The following RELN variants were observed in gnomAD, a reference collection of about 807,000 sequenced individuals.
RELN encodes the protein reelin.
Under a neutral mutation model 427.6 loss-of-function variants are expected in RELN, and 108 were observed. The observed-to-expected ratio is 0.25, with a 90% confidence interval of 0.22 to 0.30. RELN has a LOEUF of 0.30. Ranked by LOEUF, RELN falls within the 10% of genes least tolerant of loss-of-function variation. RELN has a pLI of 1.00. For missense variants in RELN, 3,715 were observed against 4,302.8 expected (o/e 0.86, Z 3.82); for synonymous variants, 1,524 against 1,513.4 (o/e 1.01, Z -0.16).
At chr7:103,949,936 T>G (rs1273723637) in intron 1 of RELN, among the ~76,000 whole-genome samples, 1 of 152,360 alleles carries the variant, frequency 6.6e-6, no homozygotes, top group East Asian at 1.9e-4. Flanking sequence ...ATCAAGCTTA[T>G]AGCACATAAG....
At chr7:103,780,902 C>T (rs987481808) in intron 3 of RELN, among the ~76,000 whole-genome samples, 1 of 152,196 alleles carries the variant, frequency 6.6e-6, no homozygotes, top group Middle Eastern at 3.2e-3. Context: ...CTGTATGCTA[C>T]TGCCATAAAA....
Position 103,989,153 on chromosome 7 carries a change from G to A in RELN, c.204C>T (p.Tyr68=). The part of the protein sequence containing the change: ...SLHIAGNPTY[Y]VPGQEYHVTI... The stretch of plus-strand genomic sequence containing the variant: ...TACCATGGTATTCTTGTCCCGGAAC[G>A]TAGTAGGTGGGGTTGCCCGCAATAT... Residue 68 remains tyrosine, a synonymous_variant, in exon 1 of 65, where the codon TAC becomes TAT. Transcript: ENST00000428762. The surrounding 1 kb of genome is among the most constrained non-coding windows in gnomAD (Gnocchi z 4.9). 1.2e-6 allele frequency: 2 copies of A among 1,614,020 alleles called. No individual in the cohort carries two copies. The highest frequency in any genetic ancestry group is 1.7e-6 in the Non-Finnish European group (2 of 1,179,964).
At chr7:103,570,409 C>T (rs532291605) in intron 31 of RELN, among the ~76,000 whole-genome samples, 1 of 152,138 alleles carries the variant, frequency 6.6e-6, no homozygotes, top group African/African-American at 2.4e-5. Context: ...TTGGTGAGTC[C>T]CCATCCAGAC....
intron 6 of RELN, among the ~76,000 whole-genome samples, chr7:103,730,386 A>C (rs1260613495): frequency 1.3e-5 from 2 of 152,062 alleles, no homozygotes; most frequent in African/African-American, 4.8e-5. Context: ...AACTGTATAA[A>C]AGTGATGGCC....
At chr7:103,473,550 C>A (rs1432137388) in intron 64 of RELN, among the ~76,000 whole-genome samples, 1 of 152,096 alleles carries the variant, frequency 6.6e-6, no homozygotes, top group African/African-American at 2.4e-5. Context: ...GAAAAGAGGT[C>A]ATAAAATACT....
At chr7:103,732,601 T>C (rs199553900) in intron 6 of RELN, among the ~76,000 whole-genome samples, 1 of 152,084 alleles carries the variant, frequency 6.6e-6, no homozygotes, top group East Asian at 1.9e-4. Context: ...AAGAAGAGAA[T>C]AGTGATCCAT....
chr7:103,964,160 AAAT>A (rs950016844), intron 1 of RELN, among the ~76,000 whole-genome samples: 1 of 151,960 alleles, frequency 6.6e-6, no homozygotes. Context: ...CCCTGTCTCG[AAAT>A]AATAATAATA....
At chr7:103,517,599 T>A (rs544773303) in intron 49 of RELN, among the ~76,000 whole-genome samples, 2 of 152,340 alleles carry the variant, frequency 1.3e-5, no homozygotes, top group Non-Finnish European at 2.9e-5. Flanking sequence ...GAGGTCTTTA[T>A]AAATTCCTCC....
chr7:103,897,289 C>T lies in RELN; in HGVS notation c.337+19786G>A, dbSNP rs531674675. Among the ~76,000 whole-genome samples, 132 of 152,200 alleles carry T rather than the reference C, an allele frequency of 8.7e-4. 1 individual carries two copies. Among genetic ancestry groups the T allele is most frequent in the African/African-American group, 3.0e-3 (124 of 41,554 alleles). On this transcript the variant is annotated intron_variant, in intron 2 of 64. Coordinates refer to ENST00000428762, the MANE Select transcript of RELN (RefSeq NM_005045.4). The stretch of plus-strand genomic sequence containing the variant: ...ACAATATAAAACCATGCAAATATAA[C>T]TGTTGAAACAGCAATTTCTTTCATC...
At chr7:103,758,978 T>G (rs530684247) in intron 4 of RELN, among the ~76,000 whole-genome samples, 1 of 152,146 alleles carries the variant, frequency 6.6e-6, no homozygotes, top group South Asian at 2.1e-4. Context: ...AGATTACATA[T>G]GTATTTTACT....
intron 1 of RELN, among the ~76,000 whole-genome samples, chr7:103,952,101 A>C (rs1349621618): frequency 6.6e-6 from 1 of 152,242 alleles, no homozygotes; most frequent in Non-Finnish European, 1.5e-5. Context: ...GTTCTCAATA[A>C]AATAATTTAG....
At chr7:103,695,150 A>C (rs973274265) in intron 10 of RELN, among the ~76,000 whole-genome samples, 4 of 152,190 alleles carry the variant, frequency 2.6e-5, no homozygotes, top group African/African-American at 9.6e-5. Context: ...TTGACAAACA[A>C]GTTGCATATA....
rs373746843 is a variant in RELN at position 103,835,638 on chromosome 7, T to G, written c.338-1966A>C. On this transcript the variant is annotated intron_variant, in intron 2 of 64. Coordinates refer to ENST00000428762, the MANE Select transcript of RELN (RefSeq NM_005045.4). ...AAAATAAGTTTATTATTTAAAAAAT[T>G]ACTAAAAGCATTGCCAGAAATGGGA... Among the ~76,000 whole-genome samples the G allele has an allele frequency of 7.2e-5, 11 of 152,312 alleles. No homozygotes were observed. The East Asian group carries it at 1.7e-3, about 24-fold the overall frequency.
chr7:103,586,946 TACC>T (rs1266293486), intron 28 of RELN, among the ~76,000 whole-genome samples: 6 of 152,134 alleles, frequency 3.9e-5, no homozygotes, highest in Non-Finnish European at 2.9e-5. Flanking sequence ...TTGTTAAAAT[TACC>T]ACAATGCCCA....
At chr7:103,655,676 T>C (rs1361042041) in intron 12 of RELN, among the ~76,000 whole-genome samples, 1 of 151,998 alleles carries the variant, frequency 6.6e-6, no homozygotes, top group Non-Finnish European at 1.5e-5. Context: ...TCATGAACAA[T>C]AGAAGGAATA....
At chr7:103,579,787 C>T (rs915395734) in intron 28 of RELN, among the ~76,000 whole-genome samples, 1 of 152,052 alleles carries the variant, frequency 6.6e-6, no homozygotes, top group African/African-American at 2.4e-5. Context: ...TGCACTGTAC[C>T]CTTCCATCAC....
intron 43 of RELN, among the ~76,000 whole-genome samples, chr7:103,541,440 G>C (rs934656576): frequency 6.6e-6 from 1 of 152,148 alleles, no homozygotes; most frequent in African/African-American, 2.4e-5. Context: ...TTCCTCATGA[G>C]TTCCCTTCCC....
At chr7:103,889,610 A>T (rs558957636) in intron 2 of RELN, among the ~76,000 whole-genome samples, 67 of 152,220 alleles carry the variant, frequency 4.4e-4, no homozygotes, top group Non-Finnish European at 8.5e-4. Flanking sequence ...AAGATACTAC[A>T]TCTTCTCCAG....
In RELN at chr7:103,490,748, A is replaced by T; in HGVS notation, c.9525T>A (p.His3175Gln). The change falls in exon 59 of 65, where the codon CAT becomes CAA. Residue 3175 changes from histidine to glutamine, a missense_variant. Transcript: ENST00000428762. ...TGACAGAGTTGTAGATGGTGGCTTC[A>T]TGGAACTGGAAAGGGGAGCAGCCAA... ...NSIGCSPFQF[H>Q]EATIYNSVNS... 1 of 1,614,218 alleles carries T rather than the reference A, an allele frequency of 6.2e-7. No homozygotes were observed. Among genetic ancestry groups the T allele is most frequent in the Non-Finnish European group, 8.5e-7 (1 of 1,180,042 alleles).
Sources: gnomAD v4.1 joint callset for allele counts (sites outside exome capture counted in the v4.1 genomes callset) on GRCh38, gnomAD v4.1.1 for gene constraint, Gnocchi (gnomAD v3.1) non-coding constraint, MANE v1.5 for transcripts, NCBI Gene and HGNC (gene_info 2026-07-23, HGNC 2026-07-21) for gene names.